NPHS2: variants seen among roughly 807,000 people sequenced by gnomAD.
NPHS2 encodes podocin.
A neutral mutation model predicts 37.1 loss-of-function variants in NPHS2; 36 were observed. That is an observed-to-expected ratio of 0.97 (90% CI 0.74 to 1.28). The LOEUF is 1.28. NPHS2 is among the 50% of genes most tolerant of loss of function. NPHS2 has a pLI of 0.00. For missense variants in NPHS2, 447 were observed against 488.1 expected, an observed-to-expected ratio of 0.92 and a Z score of 0.79; for synonymous variants, 196 against 189.3, an observed-to-expected ratio of 1.04 and a Z score of -0.29.
rs1674731844 is a variant in NPHS2 at position 179,575,658 on chromosome 1, C to T, written c.207G>A (p.Glu69=). 3 of 1,603,480 alleles carry T rather than the reference C, an allele frequency of 1.9e-6. No homozygotes were observed. Among genetic ancestry groups the T allele is most frequent in the African/African-American group, 2.7e-5 (2 of 74,916 alleles). ...TGCCCTCCTCGCCGGAGCCTCGGAC[C>T]TCATCCACGTCCACCACCGTGGCGG... ...APAATVVDVD[E]VRGSGEEGTE... is the part of the protein sequence containing the mutation. The change falls in exon 1 of 8, where the codon GAG becomes GAA. Residue 69 remains glutamate (E), a synonymous_variant. Coordinates refer to ENST00000367615, the MANE Select transcript of NPHS2 (RefSeq NM_014625.4).
At position 179,551,381 on chromosome 1, in the gene NPHS2, G is replaced by A; in HGVS notation, c.944C>T (p.Thr315Ile). 2 of 1,614,084 alleles carry A rather than the reference G, an allele frequency of 1.2e-6. No individual in the cohort carries two copies. The highest frequency in any genetic ancestry group is 1.7e-6 in the Non-Finnish European group (2 of 1,179,990). Reference sequence around the variant, plus strand: ...GTATCGAAGCTGAACGGCAGCAGGGGTGCCTGACAGAATCTCAGCTGCCAT... The same window carrying A: ...GTATCGAAGCTGAACGGCAGCAGGGATGCCTGACAGAATCTCAGCTGCCAT... ...LRMAAEILSG[T>I]PAAVQLRYLH... is the part of the protein sequence containing the mutation. Residue 315 changes from threonine to isoleucine, a missense_variant, in exon 8 of 8, where the codon ACC becomes ATC. Thr to Ile is a moderately conservative substitution (Grantham distance 89). Coordinates refer to ENST00000367615, the MANE Select transcript of NPHS2 (RefSeq NM_014625.4).
At position 179,575,882 on chromosome 1, in the gene NPHS2, G is replaced by A. The variant is rs1169550651; in HGVS notation, c.-18C>T. Reference sequence around the variant, plus strand: ...CTCTCCATCCTCAGAGCTGCCGGGCGGCTGGAGCAGCAGCGCGGGAGCGCT... The same window carrying A: ...CTCTCCATCCTCAGAGCTGCCGGGCAGCTGGAGCAGCAGCGCGGGAGCGCT... On this transcript the variant is annotated 5_prime_UTR_variant, in exon 1 of 8. Transcript: ENST00000367615. 17 of 1,391,192 alleles carry A rather than the reference G, an allele frequency of 1.2e-5. No individual in the cohort carries two copies. Among genetic ancestry groups the A allele is most frequent in the Non-Finnish European group, 1.4e-5 (15 of 1,081,176 alleles). 86.2% of individuals were successfully genotyped at this position (1,391,192 alleles called of 1,614,324 possible).
At chr1:179,561,170 C>G (rs1367094033) in intron 3 of NPHS2, 119 bp downstream of exon 3, 22 of 805,594 alleles carry the variant, frequency 2.7e-5, no homozygotes, top group Non-Finnish European at 4.5e-5. Flanking sequence ...TTGGAAAATT[C>G]AGATATCATG....
intron 7 of NPHS2, chr1:179,552,352 GGA>G: frequency 1.8e-6 from 1 of 559,462 alleles, no homozygotes; most frequent in Non-Finnish European, 3.2e-6. Context: ...ATGCCTTTAA[GGA>G]GAGAGAGGGA....
chr1:179,575,299 G>T (rs2101886569), intron 1 of NPHS2, among the ~76,000 whole-genome samples: 1 of 152,262 alleles, frequency 6.6e-6, no homozygotes, highest in East Asian at 1.9e-4. Context: ...CAAGTCCATG[G>T]CTCCTTTGCC....
intron 1 of NPHS2, among the ~76,000 whole-genome samples, chr1:179,568,233 C>CTA (rs1479057835): frequency 6.6e-6 from 1 of 152,100 alleles, no homozygotes; most frequent in African/African-American, 2.4e-5. Flanking sequence ...ATTTCAGAGC[C>CTA]TGTTATTGGT....
chr1:179,558,671 G>C (rs919455926), intron 4 of NPHS2, among the ~76,000 whole-genome samples: 1 of 152,098 alleles, frequency 6.6e-6, no homozygotes, highest in African/African-American at 2.4e-5. Context: ...GTTTTCTACA[G>C]TGGCTGCACC....
rs74315347 is a variant in NPHS2, at chr1:179,557,227, C to T, written c.538G>A (p.Val180Met). The change falls in exon 5 of 8, where the codon GTG (valine) becomes ATG (methionine). Residue 180 changes from valine (V) to methionine (M), a missense_variant. Val to Met is a conservative substitution (Grantham distance 21). Transcript: ENST00000367615. ...QTLEIPFHEI[V>M]TKDMFIMEID... The stretch of plus-strand genomic sequence containing the variant: ...TCCATTATAAACATGTCTTTGGTCA[C>T]GATCTAGGCAGAAAAAAGTTTGGAT... The T allele has an allele frequency of 1.5e-5, 25 of 1,613,768 alleles. No homozygotes were observed. The highest frequency in any genetic ancestry group is 1.7e-4 in the Middle Eastern group (1 of 6,054).
In NPHS2 at chr1:179,575,647, G is replaced by A; in HGVS notation, c.218C>T (p.Ser73Phe). 1 of 1,603,720 alleles carries A rather than the reference G, an allele frequency of 6.2e-7. No individual in the cohort carries two copies. Among genetic ancestry groups the A allele is most frequent in the South Asian group, 1.1e-5 (1 of 91,004 alleles). ...TVVDVDEVRG[S>F]GEEGTEVVAL... Reference sequence around the variant, plus strand: ...CACCACCTCGGTGCCCTCCTCGCCGGAGCCTCGGACCTCATCCACGTCCAC... The same window carrying A: ...CACCACCTCGGTGCCCTCCTCGCCGAAGCCTCGGACCTCATCCACGTCCAC... Residue 73 changes from serine (S) to phenylalanine (F), a missense_variant, in exon 1 of 8, where the codon TCC becomes TTC. By Grantham distance (155) the Ser-to-Phe change is radical (BLOSUM62 -2). Transcript: ENST00000367615.
chr1:179,555,288 T>G (rs1281036004), intron 5 of NPHS2, among the ~76,000 whole-genome samples: 2 of 152,254 alleles, frequency 1.3e-5, no homozygotes, highest in Admixed American at 1.3e-4. Flanking sequence ...AGAACCAGTC[T>G]CTAGTCTCTC....
At chr1:179,553,418 A>T (rs10458351) in intron 6 of NPHS2, among the ~76,000 whole-genome samples, 1 of 152,082 alleles carries the variant, frequency 6.6e-6, no homozygotes, top group Non-Finnish European at 1.5e-5. Context: ...ATATTATTTG[A>T]TCATAAAAAG....
chr1:179,553,912 A>ATTTTT (rs11422639), intron 6 of NPHS2, among the ~76,000 whole-genome samples: 1 of 131,876 alleles, frequency 7.6e-6, no homozygotes, highest in African/African-American at 2.9e-5. Flanking sequence ...CCCCTGGCTA[A>ATTTTT]TTTTTTTTTT....
intron 4 of NPHS2, among the ~76,000 whole-genome samples, chr1:179,557,717 G>T (rs1443231057): frequency 2.6e-5 from 4 of 152,154 alleles, no homozygotes; most frequent in African/African-American, 9.7e-5. Flanking sequence ...GTTACTCACA[G>T]TATTGCTAAT....
chr1:179,561,472 GA>G, intron 2 of NPHS2, 111 bp from the exon 3 acceptor site: 2 of 787,912 alleles, frequency 2.5e-6, no homozygotes, highest in Non-Finnish European at 4.3e-6. Flanking sequence ...TGAGAACCAG[GA>G]AAAAATTTCT....
intron 4 of NPHS2, among the ~76,000 whole-genome samples, chr1:179,558,299 C>G (rs913326986): frequency 6.6e-6 from 1 of 152,092 alleles, no homozygotes; most frequent in Non-Finnish European, 1.5e-5. Context: ...TTTGACTACT[C>G]TAGGTGCTTC....
At chr1:179,564,941 A>G (rs1674280310) in intron 1 of NPHS2, 148 bp from the exon 2 acceptor site, 7 of 707,498 alleles carry the variant, frequency 9.9e-6, no homozygotes, top group South Asian at 5.1e-5. Flanking sequence ...CAGAGTAGTC[A>G]GAGTTCACAG....
Position 179,561,402 on chromosome 1 carries a change from A to T in NPHS2, c.379-41T>A, listed in dbSNP as rs748293325. 1.3e-5 allele frequency: 19 copies of T among 1,497,334 alleles called. No individual in the cohort carries two copies. In the South Asian group the frequency reaches 2.0e-4, roughly 16 times the overall value. 92.8% of individuals were successfully genotyped at this position (1,497,334 alleles called of 1,614,324 possible). The stretch of plus-strand genomic sequence containing the variant: ...ATCCTTTCAAATCACTCCCAGAAAG[A>T]AAAAGTCTTCAAAAGGCCTTGGCAT... On this transcript the variant is annotated intron_variant, in intron 2 of 7. Coordinates refer to ENST00000367615, the MANE Select transcript of NPHS2 (RefSeq NM_014625.4).
chr1:179,565,518 C>T (rs1198145704), intron 1 of NPHS2, among the ~76,000 whole-genome samples: 1 of 152,196 alleles, frequency 6.6e-6, no homozygotes, highest in African/African-American at 2.4e-5. Flanking sequence ...TAAAATAACA[C>T]ATACACATAA....
chr1:179,559,137 C>T (rs1674043765), intron 4 of NPHS2, among the ~76,000 whole-genome samples: 1 of 152,194 alleles, frequency 6.6e-6, no homozygotes, highest in African/African-American at 2.4e-5. Context: ...TTTATCTTTT[C>T]TACTGAAAGA....
Sources: allele counts gnomAD v4.1 joint callset (sites outside exome capture counted in the v4.1 genomes callset), GRCh38; gene constraint gnomAD v4.1.1; transcripts MANE v1.5; gene names NCBI Gene and HGNC (gene_info 2026-07-23, HGNC 2026-07-21).